Variants in CSMD1 observed in about 807,000 individuals in gnomAD.
CSMD1 encodes the protein CUB and Sushi multiple domains 1, also known as CUB and sushi domain-containing protein 1.
Under a neutral mutation model 417.5 loss-of-function variants are expected in CSMD1, and 213 were observed. That is an observed-to-expected ratio of 0.51 (90% CI 0.46 to 0.57). The LOEUF (loss-of-function observed/expected upper bound fraction) is 0.57, where lower values mean the gene tolerates loss of function less well. Ranked by LOEUF, CSMD1 falls within the 20% of genes least tolerant of loss-of-function variation. The pLI is 0.00. For missense variants in CSMD1, 6,923 were observed against 4,529.7 expected, an observed-to-expected ratio of 1.53 and a Z score of -15.17; for synonymous variants, 2,862 against 1,736.8, an observed-to-expected ratio of 1.65 and a Z score of -16.11.
At chr8:4,230,794 T>C (rs1238403084) in intron 3 of CSMD1, among the ~76,000 whole-genome samples, 3 of 152,166 alleles carry the variant, frequency 2.0e-5, no homozygotes, top group Non-Finnish European at 4.4e-5. Flanking sequence ...AATTTTTACC[T>C]CTCATACTTC....
At chr8:4,008,908 T>C (rs1462420626) in intron 4 of CSMD1, among the ~76,000 whole-genome samples, 4 of 152,116 alleles carry the variant, frequency 2.6e-5, no homozygotes, top group African/African-American at 9.7e-5. Context: ...CCGCGCCCAG[T>C]CTGATTCAGT....
At chr8:3,635,706 A>G (rs1352634706) in intron 7 of CSMD1, among the ~76,000 whole-genome samples, 1 of 148,760 alleles carries the variant, frequency 6.7e-6, no homozygotes, top group Non-Finnish European at 1.5e-5. Context: ...GATGGTCTCA[A>G]TCTCCTGACC....
Position 4,461,757 on chromosome 8 carries a change from T to TG in CSMD1, c.303-41693dup, listed in dbSNP as rs1485870179. On this transcript the variant is annotated intron_variant, in intron 2 of 69. Transcript: ENST00000635120. ...TATTTACTTATTTTTTTTTTTTTTTTGGAGATGGAGTCTCGCTCTGTCACC... is the reference window on the plus strand; with the variant it reads ...TATTTACTTATTTTTTTTTTTTTTTTGGGAGATGGAGTCTCGCTCTGTCACC... Among the ~76,000 whole-genome samples the TG allele has an allele frequency of 4.7e-5, 5 of 105,958 alleles. No individual in the cohort carries two copies. In the East Asian group the frequency reaches 1.9e-3, roughly 41 times the overall value. 69.5% of individuals were successfully genotyped at this position (105,958 alleles called of 152,430 possible). A position where few individuals can be genotyped will look rare whatever the true frequency, so the allele number is the denominator to read the frequency against.
intron 2 of CSMD1, among the ~76,000 whole-genome samples, chr8:4,635,909 T>A (rs994366020): frequency 6.6e-6 from 1 of 151,874 alleles, no homozygotes; most frequent in African/African-American, 2.4e-5. Context: ...AAGGTAAACA[T>A]GCTACTAAAA....
At chr8:3,874,175 T>C (rs1805663675) in intron 5 of CSMD1, among the ~76,000 whole-genome samples, 1 of 152,162 alleles carries the variant, frequency 6.6e-6, no homozygotes, top group African/African-American at 2.4e-5. Context: ...TAAAGTGTAA[T>C]TATCTAGTGT....
intron 3 of CSMD1, among the ~76,000 whole-genome samples, chr8:4,115,772 A>C (rs931485372): frequency 2.4e-4 from 36 of 152,148 alleles, no homozygotes; most frequent in African/African-American, 8.7e-4. Flanking sequence ...ATAAGCTATC[A>C]AGCCATGAAA....
chr8:3,605,814 G>T (rs1002724843), intron 8 of CSMD1, among the ~76,000 whole-genome samples: 2 of 152,172 alleles, frequency 1.3e-5, no homozygotes, highest in African/African-American at 4.8e-5. Context: ...TCCCTTTAGA[G>T]CCTAGGTTAT....
chr8:4,158,325 C>A (rs934620827), intron 3 of CSMD1, among the ~76,000 whole-genome samples: 1 of 152,022 alleles, frequency 6.6e-6, no homozygotes, highest in African/African-American at 2.4e-5. Flanking sequence ...ATGCAATCAT[C>A]TCTACTGCAA....
chr8:4,802,388 G>A (rs1454249555), intron 1 of CSMD1, among the ~76,000 whole-genome samples: 1 of 151,908 alleles, frequency 6.6e-6, no homozygotes, highest in East Asian at 1.9e-4. Flanking sequence ...TAGGGATAGT[G>A]AGAAGCATCC....
intron 3 of CSMD1, among the ~76,000 whole-genome samples, chr8:4,060,280 G>C (rs570119243): frequency 1.3e-5 from 2 of 152,114 alleles, no homozygotes; most frequent in Non-Finnish European, 2.9e-5. Context: ...ATTAGGTATT[G>C]ATGGGACGTA....
At position 3,308,384 on chromosome 8, in the gene CSMD1, G is replaced by C; in HGVS notation, c.3751C>G (p.His1251Asp). 1 of 1,613,812 alleles carries C rather than the reference G, an allele frequency of 6.2e-7. No individual in the cohort carries two copies. The highest frequency in any genetic ancestry group is 8.5e-7 in the Non-Finnish European group (1 of 1,179,804). The change falls in exon 24 of 70, where the codon CAT (histidine) becomes GAT (aspartate). Residue 1251 changes from histidine (H) to aspartate (D), a missense_variant. Coordinates refer to ENST00000635120, the MANE Select transcript of CSMD1 (RefSeq NM_033225.6). Reference sequence around the variant, plus strand: ...AAACAGGTCAGGGTGTTGCTGCCATGCATGGCGTACCCCGGGTTGCAACTG... The same window carrying C: ...AAACAGGTCAGGGTGTTGCTGCCATCCATGGCGTACCCCGGGTTGCAACTG... The part of the protein sequence containing the change: ...LYSCNPGYAM[H>D]GSNTLTCLSG...
chr8:3,445,923 A>T (rs1412771585), intron 12 of CSMD1, among the ~76,000 whole-genome samples: 1 of 152,194 alleles, frequency 6.6e-6, no homozygotes, highest in African/African-American at 2.4e-5. Flanking sequence ...TCCAAAGAAG[A>T]TTGTACAGAG....
intron 7 of CSMD1, among the ~76,000 whole-genome samples, chr8:3,657,783 G>A (rs574693447): frequency 3.9e-5 from 6 of 152,144 alleles, no homozygotes; most frequent in South Asian, 4.2e-4. Flanking sequence ...ACCATGGCAC[G>A]TGTATAACTA....
At chr8:3,241,830 C>T (rs921313911) in intron 26 of CSMD1, among the ~76,000 whole-genome samples, 2 of 152,000 alleles carry the variant, frequency 1.3e-5, no homozygotes, top group Non-Finnish European at 2.9e-5. Context: ...TCTTGGCTGC[C>T]TCTATTCTAT....
chr8:4,707,491 A>T (rs919369800), intron 1 of CSMD1, among the ~76,000 whole-genome samples: 36 of 152,212 alleles, frequency 2.4e-4, no homozygotes, highest in African/African-American at 8.7e-4. Context: ...AGGATTTAGG[A>T]AGGGAAATCA....
chr8:4,977,359 C>G (rs1248316690), intron 1 of CSMD1, among the ~76,000 whole-genome samples: 1 of 152,128 alleles, frequency 6.6e-6, no homozygotes, highest in Non-Finnish European at 1.5e-5. Context: ...TTACCCCAGG[C>G]CCACTGAGCA....
At chr8:3,619,269 A>G (rs967046602) in intron 7 of CSMD1, among the ~76,000 whole-genome samples, 2 of 152,186 alleles carry the variant, frequency 1.3e-5, no homozygotes, top group Admixed American at 6.5e-5. Context: ...GAAAACACCT[A>G]AAGTCTTCAG....
At chr8:4,245,558 G>A (rs138515036) in intron 3 of CSMD1, among the ~76,000 whole-genome samples, 1 of 152,306 alleles carries the variant, frequency 6.6e-6, no homozygotes, top group East Asian at 1.9e-4. Flanking sequence ...CATGAGGTGT[G>A]TAGAGGAAAT....
At chr8:3,106,932 GA>G (rs138247248) in intron 45 of CSMD1, 6,328 of 250,590 alleles carry the variant, frequency 0.025, 212 homozygotes, top group East Asian at 0.14. Flanking sequence ...CTGACGAAAA[GA>G]AAAAAAAAGT....
Sources: gnomAD v4.1 joint callset for allele counts (sites outside exome capture counted in the v4.1 genomes callset) on GRCh38, gnomAD v4.1.1 for gene constraint, MANE v1.5 for transcripts, NCBI Gene and HGNC (gene_info 2026-07-23, HGNC 2026-07-21) for gene names.